PCDH1: variants seen among roughly 807,000 people sequenced by gnomAD.
The protein encoded by PCDH1 is protocadherin-1.
A neutral mutation model predicts 74.6 loss-of-function variants in PCDH1; 23 were observed. The observed-to-expected ratio is 0.31, with a 90% CI of 0.22 to 0.44. PCDH1 has a LOEUF of 0.44. Ranked by LOEUF, PCDH1 falls within the 20% of genes least tolerant of loss-of-function variation. The probability of loss-of-function intolerance (pLI) is 1.00; values close to 1 mark genes in which losing one functional copy is unlikely to be tolerated. For missense variants in PCDH1, 1,214 were observed against 1,641.4 expected, an observed-to-expected ratio of 0.74 and a Z score of 4.50; for synonymous variants, 647 against 686.1, an observed-to-expected ratio of 0.94 and a Z score of 0.89.
At chr5:141,858,182 C>T (rs1376321513) in intron 3 of PCDH1, among the ~76,000 whole-genome samples, 1 of 152,160 alleles carries the variant, frequency 6.6e-6, no homozygotes, top group East Asian at 1.9e-4. Context: ...CTGCTGTCGC[C>T]CCTCCCACTC....
At position 141,863,037 on chromosome 5, in the gene PCDH1, C is replaced by T. The variant is rs912498249; in HGVS notation, c.3099+195G>A. ...GAGGAGACCACAGAGCACACCCTCC[C>T]TTAATCTTCACTCAGCCTAATCCGT... On this transcript the variant is annotated intron_variant, in intron 3 of 4. Coordinates refer to ENST00000287008, the MANE Select transcript of PCDH1 (RefSeq NM_032420.5). The surrounding 1 kb of genome is among the most constrained non-coding windows in gnomAD (Gnocchi z 7.5). The T allele has an allele frequency of 7.6e-7, 1 of 1,319,350 alleles. No individual in the cohort carries two copies. The highest frequency in any genetic ancestry group is 9.7e-7 in the Non-Finnish European group (1 of 1,034,354). The allele number at this position is 1,319,350 out of a possible 1,614,324, so 81.7% of individuals were successfully genotyped here. A position where few individuals can be genotyped will look rare whatever the true frequency, so the allele number is the denominator to read the frequency against.
rs1457974526 is a variant in PCDH1 at position 141,864,581 on chromosome 5, C to T, written c.1750G>A (p.Ala584Thr). The T allele has an allele frequency of 1.2e-6, 2 of 1,613,816 alleles. No individual in the cohort carries two copies. The highest frequency in any genetic ancestry group is 2.2e-5 in the East Asian group (1 of 44,882). Reference sequence around the variant, plus strand: ...AGGCTAGGACTGCCCCGGTCAGCTGCCACCACCTTCAACTCATAGCTCTCC... The same window carrying T: ...AGGCTAGGACTGCCCCGGTCAGCTGTCACCACCTTCAACTCATAGCTCTCC... ...QRESYELKVV[A>T]ADRGSPSLQG... The change falls in exon 3 of 5, where the codon GCA (alanine) becomes ACA (threonine). Residue 584 changes from alanine to threonine, a missense_variant. Coordinates refer to ENST00000287008, the MANE Select transcript of PCDH1 (RefSeq NM_032420.5). The surrounding 1 kb of genome is among the most constrained non-coding windows in gnomAD (Gnocchi z 5.9).
chr5:141,863,068 CGG>C lies in PCDH1; in HGVS notation c.3099+162_3099+163del. 2 of 1,364,926 alleles carry C rather than the reference CGG, an allele frequency of 1.5e-6. No homozygotes were observed. Among genetic ancestry groups the C allele is most frequent in the Non-Finnish European group, 1.9e-6 (2 of 1,054,908 alleles). 84.6% of individuals were successfully genotyped at this position (1,364,926 alleles called of 1,614,324 possible). ...CTTCACTCAGCCTAATCCGTGTGCC[CGG>C]TGAGGCACTAAGGCCCCACCTCCCA... On this transcript the variant is annotated intron_variant, in intron 3 of 4. Transcript: ENST00000287008. This position sits in a 1 kb window ranked among gnomAD's most constrained non-coding sequence, Gnocchi z 7.5.
chr5:141,866,276 G>T (rs989816250), intron 2 of PCDH1: 6 of 976,798 alleles, frequency 6.1e-6, no homozygotes, highest in Non-Finnish European at 7.3e-6. Flanking sequence ...GCAGCCAGGA[G>T]GGAGGGGTTG....
At position 141,854,179 on chromosome 5, in the gene PCDH1, C is replaced by T; in HGVS notation, c.3577G>A (p.Ala1193Thr). 1.9e-6 allele frequency: 3 copies of T among 1,607,984 alleles called. No individual in the cohort carries two copies. Among genetic ancestry groups the T allele is most frequent in the Non-Finnish European group, 2.6e-6 (3 of 1,175,848 alleles). The change falls in exon 5 of 5, where the codon GCC becomes ACC. Residue 1193 changes from alanine to threonine, a missense_variant. Transcript: ENST00000287008. ...APVRLLPSYS[A>T]FSHSSHDSCK... ...GAATCATGGCTACTGTGGGAGAAGG[C>T]ACTGTAGGAGGGCAGGAGGCGCACG...
Position 141,868,726 on chromosome 5 carries a change from G to T in PCDH1, c.746C>A (p.Thr249Asn). 6.2e-7 allele frequency: 1 copy of T among 1,614,132 alleles called. No individual in the cohort carries two copies. The highest frequency in any genetic ancestry group is 1.1e-5 in the South Asian group (1 of 91,082). The part of the protein sequence containing the change: ...DRERWDSYDL[T>N]IKVQDGGSPP... ...GCTGCCGCCATCCTGCACCTTGATG[G>T]TGAGGTCATAGGAGTCCCAGCGCTC... The change falls in exon 2 of 5, where the codon ACC becomes AAC. Residue 249 changes from threonine to asparagine, a missense_variant. Physicochemically the swap from Thr to Asn is moderately conservative, Grantham distance 65. This residue lies in a region of PCDH1 where 836 missense variants were observed against 1,182.2 expected (regional missense o/e 0.71). Transcript: ENST00000287008. This position sits in a 1 kb window ranked among gnomAD's most constrained non-coding sequence, Gnocchi z 4.8.
At chr5:141,858,766 A>G (rs1423310804) in intron 3 of PCDH1, among the ~76,000 whole-genome samples, 1 of 152,078 alleles carries the variant, frequency 6.6e-6, no homozygotes, top group African/African-American at 2.4e-5. Context: ...GGCCCTGCTG[A>G]TGAGTCTCTA....
intron 1 of PCDH1, among the ~76,000 whole-genome samples, chr5:141,874,244 GC>G (rs1322823561): frequency 6.6e-6 from 1 of 152,218 alleles, no homozygotes; most frequent in East Asian, 1.9e-4. Flanking sequence ...AGCCAGGGTG[GC>G]CTGGAAGGGC....
At position 141,865,000 on chromosome 5, in the gene PCDH1, T is replaced by C; in HGVS notation, c.1331A>G (p.Gln444Arg). ...VAGDVPFQLR[Q>R]ASETGSDSKK... is the part of the protein sequence containing the mutation. ...GCTGTCACTGCCTGTCTCACTGGCC[T>C]GGCGCAGCTGGAAGGGCACATCACC... The change falls in exon 3 of 5, where the codon CAG (glutamine) becomes CGG (arginine). Residue 444 changes from glutamine to arginine, a missense_variant. By Grantham distance (43) the Gln-to-Arg change is conservative. Around this residue, in one of 4 missense-constraint regions of PCDH1, gnomAD observed 836 missense variants for 1,182.2 expected, o/e 0.71. Transcript: ENST00000287008. The surrounding 1 kb of genome is among the most constrained non-coding windows in gnomAD (Gnocchi z 5.9). The C allele has an allele frequency of 6.2e-7, 1 of 1,614,114 alleles. No individual in the cohort carries two copies. The highest frequency in any genetic ancestry group is 8.5e-7 in the Non-Finnish European group (1 of 1,180,020).
chr5:141,856,303 G>C (rs753384211), intron 4 of PCDH1: 2 of 1,522,170 alleles, frequency 1.3e-6, no homozygotes, highest in East Asian at 2.5e-5. Context: ...ATGAGATCGC[G>C]CATGGAGGGG....
In PCDH1 at chr5:141,853,426, A is replaced by AT. The variant is rs1752200258; in HGVS notation, c.*615dup. The AT allele has an allele frequency of 6.6e-6, 1 of 152,344 alleles. No individual in the cohort carries two copies. Among genetic ancestry groups the AT allele is most frequent in the Non-Finnish European group, 1.5e-5 (1 of 68,132 alleles). 9.4% of individuals were successfully genotyped at this position (152,344 alleles called of 1,614,324 possible). ...ACAGACACTGCATGACCAGCAGGGA[A>AT]TGGGGGCCCAGATGGGACTAGGCGT... On this transcript the variant is annotated 3_prime_UTR_variant, in exon 5 of 5. Transcript: ENST00000287008.
chr5:141,870,683 C>A, intron 1 of PCDH1, among the ~76,000 whole-genome samples: 1 of 152,156 alleles, frequency 6.6e-6, no homozygotes, highest in East Asian at 1.9e-4. Context: ...ACAATAACCC[C>A]CTTCTTCTGC....
Position 141,869,348 on chromosome 5 carries a change from T to C in PCDH1, c.124A>G (p.Met42Val), listed in dbSNP as rs199652228. 1.9e-6 allele frequency: 3 copies of C among 1,598,204 alleles called. No individual in the cohort carries two copies. Among genetic ancestry groups the C allele is most frequent in the Non-Finnish European group, 1.7e-6 (2 of 1,174,334 alleles). Residue 42 changes from methionine to valine, a missense_variant, in exon 2 of 5, where the codon ATG (methionine) becomes GTG (valine). Met to Val is a conservative substitution (Grantham distance 21). Coordinates refer to ENST00000287008, the MANE Select transcript of PCDH1 (RefSeq NM_032420.5). This position sits in a 1 kb window ranked among gnomAD's most constrained non-coding sequence, Gnocchi z 4.9. ...PGGQRLLLPS[M>V]LLALLLLLAP... ...AGCAGGAGCAGCAGTGCTAGCAGCA[T>C]GGAGGGCAGCAGTAGCCGTTGCCCC...
At chr5:141,861,239 C>G (rs1475782999) in intron 3 of PCDH1, among the ~76,000 whole-genome samples, 1 of 151,844 alleles carries the variant, frequency 6.6e-6, no homozygotes, top group Non-Finnish European at 1.5e-5. Flanking sequence ...ATTGCCTCAT[C>G]GTTCACTTGT....
In PCDH1 at chr5:141,864,685, G is replaced by A. The variant is rs770146209; in HGVS notation, c.1646C>T (p.Pro549Leu). ...AELVYSLEPE[P>L]AAKGLFTISP... ...GATGGTGAAGAGGCCCTTAGCAGCC[G>A]GCTCAGGCTCCAGAGAGTAAACCAG... Residue 549 changes from proline to leucine, a missense_variant, in exon 3 of 5, where the codon CCG becomes CTG. Pro to Leu is a moderately conservative substitution (Grantham distance 98). Transcript: ENST00000287008. This position sits in a 1 kb window ranked among gnomAD's most constrained non-coding sequence, Gnocchi z 5.9. 7.4e-6 allele frequency: 12 copies of A among 1,613,958 alleles called. No homozygotes were observed. The highest frequency in any genetic ancestry group is 4.5e-5 in the East Asian group (2 of 44,888).
intron 3 of PCDH1, among the ~76,000 whole-genome samples, chr5:141,861,425 G>A (rs964197108): frequency 5.9e-5 from 9 of 152,278 alleles, no homozygotes; most frequent in Non-Finnish European, 1.3e-4. Flanking sequence ...TTGGATTAGA[G>A]CTGAGTAAGA....
chr5:141,871,634 TGTA>T (rs1423969230), intron 1 of PCDH1, among the ~76,000 whole-genome samples: 1 of 152,230 alleles, frequency 6.6e-6, no homozygotes, highest in Non-Finnish European at 1.5e-5. Context: ...TTAGCACAAT[TGTA>T]GTTGTGTACC....
chr5:141,878,263 G>C lies in PCDH1; in HGVS notation c.-1C>G. 7.6e-7 allele frequency: 1 copy of C among 1,318,654 alleles called. No individual in the cohort carries two copies. The highest frequency in any genetic ancestry group is 9.6e-7 in the Non-Finnish European group (1 of 1,038,172). The allele number at this position is 1,318,654 out of a possible 1,614,324, so 81.7% of individuals were successfully genotyped here. On this transcript the variant is annotated 5_prime_UTR_variant, in exon 1 of 5. Coordinates refer to ENST00000287008, the MANE Select transcript of PCDH1 (RefSeq NM_032420.5). This position sits in a 1 kb window ranked among gnomAD's most constrained non-coding sequence, Gnocchi z 5.5. ...GCCGGCCGCCCGCCCCGCTGTCCAT[G>C]AGCCGCCGCCGGCCCCGGCCTGGGC... is the stretch of plus-strand genomic sequence containing the variant.
Position 141,863,275 on chromosome 5 carries a change from T to C in PCDH1, c.3056A>G (p.Asp1019Gly). Reference sequence around the variant, plus strand: ...GGGGGGGTTGGTGCGGTAGCTGTAGTCGGAGTACTGCTCAGAGCCCGTGGA... The same window carrying C: ...GGGGGGGTTGGTGCGGTAGCTGTAGCCGGAGTACTGCTCAGAGCCCGTGGA... ...TTSTGSEQYS[D>G]YSYRTNPPKY... The change falls in exon 3 of 5, where the codon GAC (aspartate) becomes GGC (glycine). Residue 1019 changes from aspartate (D) to glycine (G), a missense_variant. Transcript: ENST00000287008. This position sits in a 1 kb window ranked among gnomAD's most constrained non-coding sequence, Gnocchi z 7.5. The C allele has an allele frequency of 6.3e-7, 1 of 1,591,378 alleles. No homozygotes were observed. Among genetic ancestry groups the C allele is most frequent in the Non-Finnish European group, 8.6e-7 (1 of 1,168,950 alleles).
Sources: gnomAD v4.1 joint callset for allele counts (sites outside exome capture counted in the v4.1 genomes callset) on GRCh38, gnomAD v4.1.1 for gene constraint, gnomAD v4.1.1 regional missense constraint, Gnocchi (gnomAD v3.1) non-coding constraint, MANE v1.5 for transcripts, NCBI Gene and HGNC (gene_info 2026-07-23, HGNC 2026-07-21) for gene names.